The following ASB14 variants were observed in gnomAD, a reference collection of about 807,000 sequenced individuals.
ASB14 encodes ankyrin repeat and SOCS box protein 14.
Under a neutral mutation model 55.6 loss-of-function variants are expected in ASB14, and 63 were observed. The observed-to-expected ratio is 1.13, with a 90% CI of 0.92 to 1.40. ASB14 has a LOEUF of 1.40. Ranked by LOEUF, ASB14 falls within the 40% of genes most tolerant of loss-of-function variation. The probability of loss-of-function intolerance (pLI) is 0.00; values close to 1 mark genes in which losing one functional copy is unlikely to be tolerated. For synonymous variants in ASB14, 256 were observed against 259.9 expected (o/e 0.98, Z 0.15); for missense variants, 724 against 710.4 (o/e 1.02, Z -0.22).
chr3:57,271,979 C>G (rs1450936065), intron 10 of ASB14: 5 of 152,164 alleles, frequency 3.3e-5, no homozygotes, highest in Non-Finnish European at 7.3e-5. Flanking sequence ...TTAAAGGCTG[C>G]CCATGGGTTT....
intron 5 of ASB14, among the ~76,000 whole-genome samples, chr3:57,284,419 A>T (rs144241082): frequency 6.6e-6 from 1 of 152,174 alleles, no homozygotes; most frequent in Non-Finnish European, 1.5e-5. Flanking sequence ...GTGAGCCACT[A>T]ATCTCAGCCA....
intron 2 of ASB14, among the ~76,000 whole-genome samples, chr3:57,291,060 A>T (rs2061124387): frequency 1.3e-5 from 2 of 152,192 alleles, no homozygotes. Context: ...GACCTACCTC[A>T]TAGAGAGGTA....
intron 10 of ASB14, among the ~76,000 whole-genome samples, chr3:57,274,138 T>A (rs553681588): frequency 6.6e-6 from 1 of 152,308 alleles, no homozygotes; most frequent in Non-Finnish European, 1.5e-5. Flanking sequence ...AAATAGTCTA[T>A]ATAGCCATTA....
At position 57,280,243 on chromosome 3, in the gene ASB14, CAAAAT is replaced by C. The variant is rs903025291; in HGVS notation, c.887+54_887+58del. ...GATTATAAAGTTCCTAGAAGCAGCA[CAAAAT>C]AAAAGGTAGCTATTACTGTTTTTAT... On this transcript the variant is annotated intron_variant, in intron 7 of 10. Coordinates refer to ENST00000487349, the MANE Select transcript of ASB14 (RefSeq NM_001142733.3). 2.7e-6 allele frequency: 3 copies of C among 1,124,292 alleles called. No homozygotes were observed. In the African/African-American group the frequency reaches 4.8e-5, roughly 18 times the overall value. 69.6% of individuals were successfully genotyped at this position (1,124,292 alleles called of 1,614,324 possible).
intron 10 of ASB14, among the ~76,000 whole-genome samples, chr3:57,274,161 GA>G (rs919951357): frequency 7.2e-5 from 11 of 151,762 alleles, no homozygotes; most frequent in African/African-American, 2.4e-4. Context: ...CCCTACACTA[GA>G]AAAAAAATCA....
intron 9 of ASB14, 40 bp downstream of exon 9, chr3:57,277,727 G>A (rs1364102036): frequency 6.5e-7 from 1 of 1,527,902 alleles, no homozygotes; most frequent in East Asian, 2.3e-5. Flanking sequence ...AATACAATTA[G>A]TACTTTTGTA....
In ASB14 at chr3:57,276,592, T is replaced by A. The variant is rs770387841; in HGVS notation, c.1722A>T (p.Glu574Asp). 1 of 1,613,668 alleles carries A rather than the reference T, an allele frequency of 6.2e-7. No homozygotes were observed. Among genetic ancestry groups the A allele is most frequent in the Non-Finnish European group, 8.5e-7 (1 of 1,179,710 alleles). The stretch of plus-strand genomic sequence containing the variant: ...AAATTCCTTGTCCATAAAGGTCGTA[T>A]TCTTTGTAAAGGACATATGCTTTTA... ...NRLKAYVLYKEYDLYGQGIFT... is the reference protein window; with the variant it reads ...NRLKAYVLYKDYDLYGQGIFT... Residue 574 changes from glutamate to aspartate, a missense_variant, in exon 10 of 11, where the codon GAA becomes GAT. Physicochemically the swap from Glu to Asp is conservative, Grantham distance 45 (BLOSUM62 2). Coordinates refer to ENST00000487349, the MANE Select transcript of ASB14 (RefSeq NM_001142733.3).
chr3:57,287,763 AGGGTC>A, intron 5 of ASB14, 133 bp downstream of exon 5: 1 of 957,476 alleles, frequency 1.0e-6, no homozygotes, highest in Non-Finnish European at 1.5e-6. Flanking sequence ...AAGCTTCTGG[AGGGTC>A]GGTACCCATG....
intron 3 of ASB14, 72 bp from the exon 4 acceptor site, chr3:57,288,358 T>C: frequency 6.9e-7 from 1 of 1,444,898 alleles, no homozygotes; most frequent in Non-Finnish European, 9.3e-7. Context: ...GCTTCCTGAA[T>C]TCTACCACCA....
In ASB14 at chr3:57,269,489, G is replaced by T. The variant is rs1469917296; in HGVS notation, c.*152C>A. 1.3e-6 allele frequency: 2 copies of T among 1,596,570 alleles called. No individual in the cohort carries two copies. Among genetic ancestry groups the T allele is most frequent in the African/African-American group, 2.7e-5 (2 of 74,408 alleles). On this transcript the variant is annotated 3_prime_UTR_variant, in exon 11 of 11. Transcript: ENST00000487349. ...AGAATGTATCTTAACTGCATAATTT[G>T]CCATTTGACTGCAGACAAGTAACTT...
chr3:57,275,989 A>G (rs2060982569), intron 10 of ASB14, among the ~76,000 whole-genome samples: 1 of 152,188 alleles, frequency 6.6e-6, no homozygotes, highest in Non-Finnish European at 1.5e-5. Context: ...AGGGTTCTGT[A>G]CTAACCCCGG....
chr3:57,279,173 T>C (rs112668304), intron 7 of ASB14, among the ~76,000 whole-genome samples: 2 of 151,498 alleles, frequency 1.3e-5, no homozygotes, highest in African/African-American at 4.8e-5. Context: ...TCTAAGTACC[T>C]GAGAAAAAAG....
At chr3:57,273,341 G>T (rs1283534045) in intron 10 of ASB14, 1 of 152,588 alleles carries the variant, frequency 6.6e-6, no homozygotes, top group Non-Finnish European at 1.5e-5. Context: ...GTATACATGT[G>T]GGGTGGAGAA....
intron 5 of ASB14, among the ~76,000 whole-genome samples, chr3:57,287,152 T>G (rs2061086930): frequency 6.6e-6 from 1 of 152,224 alleles, no homozygotes; most frequent in Non-Finnish European, 1.5e-5. Context: ...TCAGATAGCC[T>G]TTGGCTATTT....
intron 3 of ASB14, among the ~76,000 whole-genome samples, 199 bp from the exon 4 acceptor site, chr3:57,288,485 C>T (rs2061099421): frequency 6.6e-6 from 1 of 152,188 alleles, no homozygotes; most frequent in African/African-American, 2.4e-5. Context: ...TGAACACCCC[C>T]AGCGTCTTGT....
intron 10 of ASB14, 143 bp from the exon 11 acceptor site, chr3:57,269,761 A>AT (rs2060923171): frequency 6.7e-7 from 1 of 1,484,660 alleles, no homozygotes; most frequent in Non-Finnish European, 9.3e-7. Context: ...GGTAACAACT[A>AT]TGTTGAAATA....
chr3:57,281,086 C>G (rs1156901370), intron 6 of ASB14, among the ~76,000 whole-genome samples: 1 of 152,108 alleles, frequency 6.6e-6, no homozygotes, highest in Non-Finnish European at 1.5e-5. Flanking sequence ...ATTTGCACTA[C>G]ACTTACAAGT....
At chr3:57,286,541 G>T (rs139346465) in intron 5 of ASB14, among the ~76,000 whole-genome samples, 1 of 151,952 alleles carries the variant, frequency 6.6e-6, no homozygotes, top group East Asian at 1.9e-4. Context: ...TATCCATCTC[G>T]CTATTCAATC....
intron 6 of ASB14, among the ~76,000 whole-genome samples, chr3:57,281,811 A>G (rs184163900): frequency 2.6e-5 from 4 of 152,292 alleles, no homozygotes; most frequent in East Asian, 1.9e-4. Flanking sequence ...GCTTATATCT[A>G]TGATGCCATG....
Sources: allele counts gnomAD v4.1 joint callset (sites outside exome capture counted in the v4.1 genomes callset), GRCh38; gene constraint gnomAD v4.1.1; transcripts MANE v1.5; gene names NCBI Gene and HGNC (gene_info 2026-07-23, HGNC 2026-07-21).